The following FGD5 variants were observed in gnomAD, a reference collection of about 807,000 sequenced individuals.
FGD5 encodes FYVE, RhoGEF and PH domain-containing protein 5.
In FGD5, 28 loss-of-function variants were observed where a neutral mutation model predicts 133.4. The observed-to-expected ratio is 0.21, with a 90% CI of 0.16 to 0.29. FGD5 has a LOEUF of 0.29. Among genes scored for constraint, FGD5 ranks in the 10% least tolerant of loss-of-function variants. The probability of loss-of-function intolerance (pLI) is 1.00; values close to 1 mark genes in which losing one functional copy is unlikely to be tolerated. For missense variants in FGD5, 1,858 were observed against 1,895.2 expected, an observed-to-expected ratio of 0.98 and a Z score of 0.36; for synonymous variants, 810 against 776.5, an observed-to-expected ratio of 1.04 and a Z score of -0.72.
rs1224317709 is a variant in FGD5 at position 14,882,464 on chromosome 3, G to A, written c.2748+1692G>A. On this transcript the variant is annotated intron_variant, in intron 4 of 19. Coordinates refer to ENST00000285046, the MANE Select transcript of FGD5 (RefSeq NM_152536.4). Reference sequence around the variant, plus strand: ...TGTAATCTCAGCACTTTGGGAGGCCGAGGTGGGCTGATCATCTGAGATCAG... The same window carrying A: ...TGTAATCTCAGCACTTTGGGAGGCCAAGGTGGGCTGATCATCTGAGATCAG... 5 of 460,836 alleles carry A rather than the reference G, an allele frequency of 1.1e-5. No homozygotes were observed. In the East Asian group the frequency reaches 4.7e-4, roughly 44 times the overall value. The allele number at this position is 460,836 out of a possible 1,614,324, so 28.5% of individuals were successfully genotyped here. A position where few individuals can be genotyped will look rare whatever the true frequency, so the allele number is the denominator to read the frequency against.
At chr3:14,818,042 A>G (rs1310940923), upstream of FGD5, among the ~76,000 whole-genome samples, 2 of 152,140 alleles carry the variant, frequency 1.3e-5, no homozygotes, top group African/African-American at 4.8e-5. Context: ...TAGCTAAAAT[A>G]TCACCTTCTT....
intron 10 of FGD5, among the ~76,000 whole-genome samples, chr3:14,909,761 C>CTTTTT (rs201883392): frequency 2.3e-4 from 32 of 137,484 alleles, no homozygotes; most frequent in African/African-American, 3.5e-4. Context: ...CTTTTCTTTT[C>CTTTTT]TTTTTTTTTT....
chr3:14,876,756 C>T (rs2037726975), intron 2 of FGD5, among the ~76,000 whole-genome samples: 1 of 152,182 alleles, frequency 6.6e-6, no homozygotes, highest in Non-Finnish European at 1.5e-5. Flanking sequence ...CTTTACATAC[C>T]TCAGAGGTTC....
intron 11 of FGD5, among the ~76,000 whole-genome samples, chr3:14,912,790 A>G (rs1274857254): frequency 6.6e-6 from 1 of 152,240 alleles, no homozygotes; most frequent in African/African-American, 2.4e-5. Context: ...TAATTGCAGC[A>G]CTTTGGGAGG....
intron 1 of FGD5, among the ~76,000 whole-genome samples, chr3:14,849,990 C>T (rs2037127620): frequency 1.3e-5 from 2 of 152,274 alleles, no homozygotes; most frequent in Admixed American, 6.5e-5. Context: ...CCACAGGCTG[C>T]CCCTCTCATA....
At chr3:14,821,827 C>T (rs1037911901) in intron 1 of FGD5, among the ~76,000 whole-genome samples, 2 of 152,106 alleles carry the variant, frequency 1.3e-5, no homozygotes, top group Non-Finnish European at 1.5e-5. Context: ...TAAGGCCGGG[C>T]GCAGTGGCTC....
At chr3:14,925,725 G>A (rs567234524) in intron 17 of FGD5, among the ~76,000 whole-genome samples, 1 of 152,332 alleles carries the variant, frequency 6.6e-6, no homozygotes, top group East Asian at 1.9e-4. Flanking sequence ...TAAGTTGAAA[G>A]TGCAAGAGTT....
At chr3:14,835,797 G>T (rs115731058) in intron 1 of FGD5, among the ~76,000 whole-genome samples, 2,557 of 152,306 alleles carry the variant, frequency 0.017, 90 homozygotes, top group East Asian at 0.1. Flanking sequence ...GGAGATAACA[G>T]GTGGTGGCAA....
At chr3:14,907,356 T>A (rs1261696416) in intron 9 of FGD5, among the ~76,000 whole-genome samples, 1 of 152,118 alleles carries the variant, frequency 6.6e-6, no homozygotes, top group Non-Finnish European at 1.5e-5. Flanking sequence ...ATGAGAGACA[T>A]AGGCTTAGAG....
intron 1 of FGD5, among the ~76,000 whole-genome samples, chr3:14,842,367 C>T (rs1056605398): frequency 2.6e-5 from 4 of 152,146 alleles, no homozygotes; most frequent in South Asian, 2.1e-4. Flanking sequence ...AAACCCCCAC[C>T]GGATCCCCAC....
chr3:14,844,269 T>A (rs1351256132), intron 1 of FGD5, among the ~76,000 whole-genome samples: 2 of 97,412 alleles, frequency 2.1e-5, no homozygotes, highest in East Asian at 6.6e-4. Context: ...TATATATATA[T>A]ATAATGCAGG....
chr3:14,918,002 C>T lies in FGD5; in HGVS notation c.3489+670C>T, dbSNP rs1043419326. Among the ~76,000 whole-genome samples, 17 of 152,322 alleles carry T rather than the reference C, an allele frequency of 1.1e-4. 2 individuals carry two copies. The South Asian group carries it at 1.4e-3, about 13-fold the overall frequency. ...GTAGTATGGGTCAGAATTTTCCTTC[C>T]ATTGTGTGGATAGACCACATGGTGT... On this transcript the variant is annotated intron_variant, in intron 12 of 19. Coordinates refer to ENST00000285046, the MANE Select transcript of FGD5 (RefSeq NM_152536.4).
intron 1 of FGD5, among the ~76,000 whole-genome samples, chr3:14,831,996 A>G (rs147436935): frequency 7.9e-5 from 12 of 152,258 alleles, no homozygotes; most frequent in Middle Eastern, 3.4e-3. Flanking sequence ...GGTCAGTGAT[A>G]TTTGGTGGAC....
chr3:14,818,896 C>G, upstream of FGD5: 1 of 1,420,848 alleles, frequency 7.0e-7, no homozygotes, highest in East Asian at 2.6e-5. Flanking sequence ...GTGTAGGAGA[C>G]TCTGAATGGC....
At chr3:14,834,905 C>T (rs2036785690) in intron 1 of FGD5, among the ~76,000 whole-genome samples, 1 of 152,198 alleles carries the variant, frequency 6.6e-6, no homozygotes. Flanking sequence ...CTTCAGCAGA[C>T]CCCGCGATCT....
At chr3:14,919,126 G>T (rs765080785) in intron 13 of FGD5, among the ~76,000 whole-genome samples, 8 of 152,178 alleles carry the variant, frequency 5.3e-5, no homozygotes, top group Non-Finnish European at 1.0e-4. Flanking sequence ...TGTTTGTGGA[G>T]CTCTTTATGG....
chr3:14,885,542 A>G (rs898644414), intron 4 of FGD5, among the ~76,000 whole-genome samples: 3 of 152,182 alleles, frequency 2.0e-5, no homozygotes, highest in African/African-American at 7.2e-5. Flanking sequence ...GGCTCCCTAC[A>G]TCTTCACTCA....
intron 2 of FGD5, among the ~76,000 whole-genome samples, chr3:14,870,924 C>T (rs2037594539): frequency 6.6e-6 from 1 of 152,222 alleles, no homozygotes; most frequent in Non-Finnish European, 1.5e-5. Flanking sequence ...ATGTCTTAAT[C>T]ACAGATCAGA....
At chr3:14,851,260 C>T (rs2037158495) in intron 1 of FGD5, among the ~76,000 whole-genome samples, 1 of 152,168 alleles carries the variant, frequency 6.6e-6, no homozygotes, top group Non-Finnish European at 1.5e-5. Context: ...CATCTGATCC[C>T]TACATAGACC....
Sources: allele counts gnomAD v4.1 joint callset (sites outside exome capture counted in the v4.1 genomes callset), GRCh38; gene constraint gnomAD v4.1.1; transcripts MANE v1.5; gene names NCBI Gene and HGNC (gene_info 2026-07-23, HGNC 2026-07-21).